The following EYA3 variants were observed in gnomAD, a reference collection of about 807,000 sequenced individuals.
The protein encoded by EYA3 is EYA transcriptional coactivator and phosphatase 3.
Under a neutral mutation model 80.0 loss-of-function variants are expected in EYA3, and 39 were observed. That is an observed-to-expected ratio of 0.49 (90% CI 0.38 to 0.64). EYA3 has a LOEUF of 0.64. Among genes scored for constraint, EYA3 ranks in the 30% least tolerant of loss-of-function variants. The pLI, the probability that EYA3 is intolerant of heterozygous loss-of-function variation, is 0.00. For missense variants in EYA3, 523 were observed against 676.1 expected (o/e 0.77, Z 2.51); for synonymous variants, 206 against 232.8 (o/e 0.88, Z 1.05).
chr1:28,004,314 C>G, intron 11 of EYA3, 22 bp downstream of exon 11: 1 of 1,555,014 alleles, frequency 6.4e-7, no homozygotes, highest in African/African-American at 1.4e-5. Context: ...GGGACAGTTA[C>G]AACAAAGAAG....
At chr1:28,085,322 T>C (rs902681408) in intron 1 of EYA3, among the ~76,000 whole-genome samples, 2 of 152,074 alleles carry the variant, frequency 1.3e-5, no homozygotes, top group East Asian at 3.9e-4. Context: ...TATGGTGGCA[T>C]GAACCTGTAG....
chr1:28,081,848 C>T (rs1021605347), intron 1 of EYA3, among the ~76,000 whole-genome samples: 2 of 151,962 alleles, frequency 1.3e-5, no homozygotes, highest in African/African-American at 4.8e-5. Flanking sequence ...GTAATTGCTA[C>T]AATATTAAAT....
At chr1:28,014,603 C>T (rs1641918837) in intron 8 of EYA3, among the ~76,000 whole-genome samples, 1 of 151,800 alleles carries the variant, frequency 6.6e-6, no homozygotes, top group Non-Finnish European at 1.5e-5. Context: ...TGGCATGCAC[C>T]TGTAGTCCCA....
chr1:27,982,093 G>A (rs1412749422), intron 16 of EYA3, among the ~76,000 whole-genome samples: 5 of 147,308 alleles, frequency 3.4e-5, no homozygotes, highest in South Asian at 2.1e-4. Context: ...TGCAACCTCC[G>A]CCTCCCAGGC....
intron 1 of EYA3, among the ~76,000 whole-genome samples, chr1:28,064,408 T>C (rs1174951186): frequency 6.8e-6 from 1 of 147,310 alleles, no homozygotes; most frequent in East Asian, 2.0e-4. Context: ...ATATAGAGCC[T>C]GCGAGACAGC....
At chr1:27,976,099 G>C (rs575478887) in intron 17 of EYA3, among the ~76,000 whole-genome samples, 2 of 152,290 alleles carry the variant, frequency 1.3e-5, no homozygotes, top group Admixed American at 1.3e-4. Flanking sequence ...CAAGACAGCT[G>C]CTCACACATA....
Position 28,041,696 on chromosome 1 carries a change from G to A in EYA3, c.157+875C>T, listed in dbSNP as rs140952714. On this transcript the variant is annotated intron_variant, in intron 4 of 17. Coordinates refer to ENST00000373871, the MANE Select transcript of EYA3 (RefSeq NM_001990.4). ...TTTATTTTATTTTATTTTTTGTAGC[G>A]AGGAGGTCTCACTTTGTTGCCCAGG... 1.3e-4 allele frequency among the ~76,000 whole-genome samples: 20 copies of A among 151,990 alleles called. No individual in the cohort carries two copies. In the East Asian group the frequency reaches 2.1e-3, roughly 16 times the overall value.
chr1:28,013,435 T>C lies in EYA3; in HGVS notation c.586-141A>G, dbSNP rs1641829741. ...GACTTCTCATTTACCTACCTAAAAG[T>C]CTCCAATCTAAATCAATGATTTTCA... On this transcript the variant is annotated intron_variant, in intron 8 of 17. Transcript: ENST00000373871. The surrounding 1 kb of genome is among the most constrained non-coding windows in gnomAD (Gnocchi z 4.0). The C allele has an allele frequency of 4.1e-6, 3 of 739,014 alleles. No individual in the cohort carries two copies. In the South Asian group the frequency reaches 7.0e-5, roughly 17 times the overall value. 45.8% of individuals were successfully genotyped at this position (739,014 alleles called of 1,614,324 possible).
intron 1 of EYA3, among the ~76,000 whole-genome samples, chr1:28,064,425 C>A (rs1364212771): frequency 7.4e-6 from 1 of 135,704 alleles, no homozygotes. Flanking sequence ...CAGCGAGACT[C>A]TGCCTCAAAA....
At chr1:28,048,056 G>T (rs571055893) in intron 3 of EYA3, among the ~76,000 whole-genome samples, 2 of 152,160 alleles carry the variant, frequency 1.3e-5, no homozygotes, top group East Asian at 3.9e-4. Flanking sequence ...TTCCTATTCT[G>T]TATATTGTAC....
intron 15 of EYA3, among the ~76,000 whole-genome samples, chr1:27,989,385 C>G (rs1639882928): frequency 6.6e-6 from 1 of 152,168 alleles, no homozygotes; most frequent in Non-Finnish European, 1.5e-5. Flanking sequence ...AATAACATCT[C>G]CTCCATGTAT....
intron 16 of EYA3, among the ~76,000 whole-genome samples, chr1:27,979,319 T>C (rs1314047157): frequency 6.6e-6 from 1 of 152,220 alleles, no homozygotes; most frequent in Non-Finnish European, 1.5e-5. Flanking sequence ...CTTACGTCTT[T>C]CAGTGAGAGA....
intron 5 of EYA3, among the ~76,000 whole-genome samples, chr1:28,037,404 A>T (rs948799215): frequency 2.6e-5 from 4 of 152,248 alleles, no homozygotes; most frequent in African/African-American, 7.2e-5. Flanking sequence ...TAAAAAACTG[A>T]ATTTAAAAAT....
chr1:27,978,382 C>G lies in EYA3; in HGVS notation c.1633G>C (p.Ala545Pro). The G allele has an allele frequency of 6.2e-7, 1 of 1,613,386 alleles. No homozygotes were observed. Among genetic ancestry groups the G allele is most frequent in the Non-Finnish European group, 8.5e-7 (1 of 1,179,382 alleles). ...TTCTTTACCATGGTTACCTGTTTGG[C>G]TGCAATTTCTTCATCTCGTCCATCT... ...IGDGRDEEIA[A>P]KQHNMPFWRI... is the part of the protein sequence containing the mutation. Residue 545 changes from alanine to proline, a missense_variant, in exon 17 of 18, where the codon GCC (alanine) becomes CCC (proline). This residue lies in a region of EYA3 where 219 missense variants were observed against 332.8 expected (regional missense o/e 0.66). Transcript: ENST00000373871.
intron 7 of EYA3, among the ~76,000 whole-genome samples, chr1:28,021,609 CTT>C (rs113081277): frequency 4.8e-5 from 7 of 144,472 alleles, no homozygotes; most frequent in Admixed American, 7.0e-5. Flanking sequence ...AATCATTCTT[CTT>C]TTTTTTTTTT....
intron 7 of EYA3, among the ~76,000 whole-genome samples, chr1:28,025,413 T>C (rs1048171593): frequency 3.3e-5 from 5 of 152,132 alleles, no homozygotes; most frequent in African/African-American, 9.7e-5. Flanking sequence ...AGCATAAATA[T>C]TGTACTCATG....
intron 1 of EYA3, among the ~76,000 whole-genome samples, chr1:28,082,900 T>C (rs1001280007): frequency 2.0e-5 from 3 of 152,218 alleles, no homozygotes; most frequent in Non-Finnish European, 2.9e-5. Flanking sequence ...GCTTTCTTAA[T>C]ATATGGTTTT....
chr1:28,069,981 C>T (rs1229537915), intron 1 of EYA3, among the ~76,000 whole-genome samples: 1 of 152,126 alleles, frequency 6.6e-6, no homozygotes, highest in Admixed American at 6.5e-5. Context: ...CTGGGAGAGG[C>T]AAGGGATGAT....
At chr1:28,027,685 G>A (rs1469586325) in intron 7 of EYA3, 104 bp downstream of exon 7, 10 of 1,434,944 alleles carry the variant, frequency 7.0e-6, no homozygotes, top group Non-Finnish European at 9.6e-6. Flanking sequence ...TTAGAAGACA[G>A]AGCTCCTGTA....
Sources: allele counts gnomAD v4.1 joint callset (sites outside exome capture counted in the v4.1 genomes callset), GRCh38; gene constraint gnomAD v4.1.1; regional missense constraint gnomAD v4.1.1; non-coding constraint Gnocchi (gnomAD v3.1); transcripts MANE v1.5; gene names NCBI Gene and HGNC (gene_info 2026-07-23, HGNC 2026-07-21).